The following SPECC1 variants were observed in gnomAD, a reference collection of about 807,000 sequenced individuals.
SPECC1 encodes the protein sperm antigen with calponin homology and coiled-coil domains 1, also known as cytospin-B.
In SPECC1, 62 loss-of-function variants were observed where a neutral mutation model predicts 104.1. That is an observed-to-expected ratio of 0.60 (90% CI 0.49 to 0.74). The LOEUF is 0.74. Among genes scored for constraint, SPECC1 ranks in the 30% least tolerant of loss-of-function variants. The pLI, the probability that SPECC1 is intolerant of heterozygous loss-of-function variation, is 0.00. For synonymous variants in SPECC1, 513 were observed against 501.6 expected (o/e 1.02, Z -0.30); for missense variants, 1,306 against 1,310.5 (o/e 1.00, Z 0.05).
intron 9 of SPECC1, among the ~76,000 whole-genome samples, chr17:20,250,428 T>A (rs1193577685): frequency 1.3e-5 from 2 of 152,196 alleles, no homozygotes; most frequent in African/African-American, 2.4e-5. Context: ...AATGGGTACA[T>A]CACTAAAGAT....
At chr17:20,067,156 C>T (rs1457996360) in intron 1 of SPECC1, 1 of 152,080 alleles carries the variant, frequency 6.6e-6, no homozygotes, top group Non-Finnish European at 1.5e-5. Context: ...CATTCCACCA[C>T]CTAGATAACC....
intron 3 of SPECC1, among the ~76,000 whole-genome samples, chr17:20,159,390 G>A (rs1053375250): frequency 2.6e-5 from 4 of 152,250 alleles, no homozygotes; most frequent in African/African-American, 9.6e-5. Context: ...AGGGATCCCA[G>A]TGGAACACCT....
At chr17:20,030,532 ATATTACAAG>A (rs1201394383) in intron 1 of SPECC1, among the ~76,000 whole-genome samples, 1 of 152,170 alleles carries the variant, frequency 6.6e-6, no homozygotes, top group African/African-American at 2.4e-5. Flanking sequence ...ATTTGCAAAT[ATATTACAAG>A]TATATTTCTA....
chr17:20,163,337 TA>T, intron 3 of SPECC1, among the ~76,000 whole-genome samples: 1 of 152,242 alleles, frequency 6.6e-6, no homozygotes, highest in Non-Finnish European at 1.5e-5. Flanking sequence ...TAAAATTTAA[TA>T]AGCACTCTTT....
intron 2 of SPECC1, among the ~76,000 whole-genome samples, chr17:20,099,141 T>C (rs1407674580): frequency 6.6e-6 from 1 of 151,824 alleles, no homozygotes; most frequent in Non-Finnish European, 1.5e-5. Context: ...TAAATGTGGG[T>C]AAAGCATCCT....
In SPECC1 at chr17:20,226,549, G is replaced by A. The variant is rs147071827; in HGVS notation, c.1864-864G>A. Among the ~76,000 whole-genome samples the A allele has an allele frequency of 7.3e-3, 1,117 of 152,296 alleles. 6 individuals carry two copies. Among genetic ancestry groups the A allele is most frequent in the Middle Eastern group, 0.014 (4 of 294 alleles). On this transcript the variant is annotated intron_variant, in intron 4 of 14. Coordinates refer to ENST00000395527, the MANE Select transcript of SPECC1 (RefSeq NM_001243439.2). Reference sequence around the variant, plus strand: ...GCTTATTACTCTCTGAGGTAGGAGGGAAGATTGAGGTTTTAAAAAATTCTT... The same window carrying A: ...GCTTATTACTCTCTGAGGTAGGAGGAAAGATTGAGGTTTTAAAAAATTCTT...
At position 20,041,204 on chromosome 17, in the gene SPECC1, T is replaced by A. The variant is rs569584712; in HGVS notation, c.-22+31780T>A. ...TTGTCTTTCCATTCAATTTGGTTAC[T>A]GTATTTTTCAATTCTAAAATTTCCA... is the stretch of plus-strand genomic sequence containing the variant. On this transcript the variant is annotated intron_variant, in intron 1 of 14. Coordinates refer to ENST00000395527, the MANE Select transcript of SPECC1 (RefSeq NM_001243439.2). Among the ~76,000 whole-genome samples the A allele has an allele frequency of 2.0e-5, 3 of 152,350 alleles. No individual in the cohort carries two copies. In the South Asian group the frequency reaches 6.2e-4, roughly 32 times the overall value.
intron 3 of SPECC1, among the ~76,000 whole-genome samples, chr17:20,184,765 G>GTAT (rs1374298629): frequency 6.6e-6 from 1 of 152,214 alleles, no homozygotes; most frequent in Admixed American, 6.5e-5. Context: ...AACATTTTAA[G>GTAT]TATTATTATT....
chr17:20,150,148 T>C (rs912527423), intron 3 of SPECC1, among the ~76,000 whole-genome samples: 3 of 151,244 alleles, frequency 2.0e-5, no homozygotes, highest in African/African-American at 7.3e-5. Flanking sequence ...AATTTTTTTG[T>C]ATTTTTTTTT....
chr17:20,032,484 A>G (rs1466976756), intron 1 of SPECC1, among the ~76,000 whole-genome samples: 1 of 151,988 alleles, frequency 6.6e-6, no homozygotes, highest in African/African-American at 2.4e-5. Context: ...TTTCATTTGA[A>G]TAATGTCTAT....
intron 1 of SPECC1, among the ~76,000 whole-genome samples, chr17:20,039,977 TTTTA>T (rs939862103): frequency 2.0e-5 from 3 of 152,174 alleles, no homozygotes; most frequent in African/African-American, 4.8e-5. Flanking sequence ...AAGTCTACCA[TTTTA>T]TTTATGTTTT....
At chr17:20,255,668 T>G (rs78511719) in intron 10 of SPECC1, among the ~76,000 whole-genome samples, 305 of 151,682 alleles carry the variant, frequency 2.0e-3, no homozygotes, top group African/African-American at 7.1e-3. Flanking sequence ...TGGCCTCAAA[T>G]GATCCTCCTG....
rs1403261123 is a variant in SPECC1, at chr17:20,316,782, G to A, written c.*2717G>A. 1 of 200,376 alleles carries A rather than the reference G, an allele frequency of 5.0e-6. No homozygotes were observed. Among genetic ancestry groups the A allele is most frequent in the Non-Finnish European group, 1.0e-5 (1 of 96,996 alleles). 12.4% of individuals were successfully genotyped at this position (200,376 alleles called of 1,614,324 possible). Reference sequence around the variant, plus strand: ...GCGCGATTTCAGCTCACTCAGGAGTGAGCCACCACACCTGGCCTGTGATTG... The same window carrying A: ...GCGCGATTTCAGCTCACTCAGGAGTAAGCCACCACACCTGGCCTGTGATTG... On this transcript the variant is annotated 3_prime_UTR_variant, in exon 15 of 15. Coordinates refer to ENST00000395527, the MANE Select transcript of SPECC1 (RefSeq NM_001243439.2).
At chr17:20,156,354 T>C in intron 3 of SPECC1, 1 of 1,126,014 alleles carries the variant, frequency 8.9e-7, no homozygotes. Context: ...GCTAAGGTCC[T>C]GGGGTGTGAT....
chr17:20,118,264 A>G (rs1408875770), intron 3 of SPECC1, among the ~76,000 whole-genome samples: 2 of 152,196 alleles, frequency 1.3e-5, no homozygotes, highest in Non-Finnish European at 2.9e-5. Context: ...CAAGTTGGTA[A>G]TATCTATCTA....
chr17:20,303,528 A>G (rs2142118158), intron 13 of SPECC1, among the ~76,000 whole-genome samples: 1 of 152,258 alleles, frequency 6.6e-6, no homozygotes, highest in Admixed American at 6.5e-5. Context: ...TGTCAGGGAA[A>G]ACCCGTCGCT....
chr17:20,106,961 A>C (rs1191674446), intron 2 of SPECC1, among the ~76,000 whole-genome samples: 1 of 151,854 alleles, frequency 6.6e-6, no homozygotes, highest in African/African-American at 2.4e-5. Context: ...GTTTGAGACC[A>C]GCCTGGGCAA....
chr17:20,236,776 G>A, intron 7 of SPECC1: 1 of 1,566,174 alleles, frequency 6.4e-7, no homozygotes, highest in South Asian at 1.1e-5. Flanking sequence ...AGTGTAAGCT[G>A]GAAATTCTTG....
At chr17:20,238,346 G>A (rs960804835) in intron 7 of SPECC1, 1 of 1,039,712 alleles carries the variant, frequency 9.6e-7, no homozygotes, top group African/African-American at 1.7e-5. Flanking sequence ...TAAACTTCTG[G>A]AAATATGTGT....
Sources: gnomAD v4.1 joint callset for allele counts (sites outside exome capture counted in the v4.1 genomes callset) on GRCh38, gnomAD v4.1.1 for gene constraint, MANE v1.5 for transcripts, NCBI Gene and HGNC (gene_info 2026-07-23, HGNC 2026-07-21) for gene names.